Variants in WWOX observed in about 807,000 individuals in gnomAD.
WWOX encodes the protein WW domain containing oxidoreductase, also known as WW domain-containing oxidoreductase.
Under a neutral mutation model 46.2 loss-of-function variants are expected in WWOX, and 69 were observed. That is an observed-to-expected ratio of 1.49 (90% CI 1.23 to 1.82). WWOX has a LOEUF of 1.82. WWOX is among the 40% of genes most tolerant of loss of function. The pLI is 0.00. For missense variants in WWOX, 919 were observed against 542.6 expected (o/e 1.69, Z -6.89); for synonymous variants, 359 against 202.6 (o/e 1.77, Z -6.56).
chr16:78,312,340 ATATTG>A (rs1313936836), intron 5 of WWOX, among the ~76,000 whole-genome samples: 1 of 148,916 alleles, frequency 6.7e-6, no homozygotes, highest in African/African-American at 2.5e-5. Context: ...GGAAACACTT[ATATTG>A]CTAGTGAGTG....
At chr16:78,428,792 G>T (rs751282397) in intron 7 of WWOX, among the ~76,000 whole-genome samples, 1 of 152,188 alleles carries the variant, frequency 6.6e-6, no homozygotes, top group Non-Finnish European at 1.5e-5. Context: ...AGGATCCCTT[G>T]AGCTCAGGAG....
chr16:78,295,665 C>T (rs544536202), intron 5 of WWOX, among the ~76,000 whole-genome samples: 3 of 152,284 alleles, frequency 2.0e-5, no homozygotes, highest in African/African-American at 4.8e-5. Context: ...GAGCCAAGAT[C>T]GCACCACTGG....
chr16:78,825,602 C>A, intron 8 of WWOX: 1 of 528,900 alleles, frequency 1.9e-6, no homozygotes, highest in South Asian at 1.5e-5. Flanking sequence ...AGTACAAACT[C>A]CTAGGAGGGC....
intron 8 of WWOX, among the ~76,000 whole-genome samples, chr16:78,471,558 T>G (rs958363273): frequency 2.6e-5 from 4 of 152,220 alleles, no homozygotes; most frequent in Admixed American, 2.6e-4. Flanking sequence ...ACATCCTCCA[T>G]GAAATCTCTG....
intron 8 of WWOX, among the ~76,000 whole-genome samples, chr16:78,713,199 T>G (rs1272583745): frequency 7.3e-6 from 1 of 137,506 alleles, no homozygotes; most frequent in Non-Finnish European, 1.5e-5. Flanking sequence ...CTGAGCCTGG[T>G]AGAGGTGGAG....
At chr16:78,389,593 T>G (rs1405572413) in intron 6 of WWOX, among the ~76,000 whole-genome samples, 1 of 152,046 alleles carries the variant, frequency 6.6e-6, no homozygotes, top group East Asian at 1.9e-4. Flanking sequence ...TCCTTGGGAG[T>G]AGATGCTATT....
chr16:78,618,873 A>C (rs2046096938), intron 8 of WWOX, among the ~76,000 whole-genome samples: 1 of 151,534 alleles, frequency 6.6e-6, no homozygotes, highest in African/African-American at 2.4e-5. Context: ...GACACCTTGG[A>C]TGTGCCCAGC....
intron 8 of WWOX, among the ~76,000 whole-genome samples, chr16:79,209,357 G>A (rs961321457): frequency 6.6e-6 from 1 of 152,186 alleles, no homozygotes; most frequent in Non-Finnish European, 1.5e-5. Context: ...CATTACAGTA[G>A]GTCATAGTGG....
intron 8 of WWOX, chr16:79,016,342 T>A (rs1567487345): frequency 6.6e-6 from 1 of 152,282 alleles, no homozygotes; most frequent in Non-Finnish European, 1.5e-5. Context: ...TTGCTCCTCC[T>A]GCAGTCTTCT....
chr16:78,473,600 C>T (rs1047473612), intron 8 of WWOX, among the ~76,000 whole-genome samples: 7 of 148,596 alleles, frequency 4.7e-5, no homozygotes, highest in African/African-American at 1.8e-4. Context: ...AGATTGTTGT[C>T]CCTCCTTTCC....
chr16:78,213,042 CA>C (rs2036607568), intron 5 of WWOX, among the ~76,000 whole-genome samples: 1 of 151,906 alleles, frequency 6.6e-6, no homozygotes, highest in Non-Finnish European at 1.5e-5. Flanking sequence ...CACTTTAGGT[CA>C]GAAGTTCGAG....
intron 5 of WWOX, among the ~76,000 whole-genome samples, chr16:78,210,239 G>A (rs2036516417): frequency 6.6e-6 from 1 of 152,110 alleles, no homozygotes; most frequent in Non-Finnish European, 1.5e-5. Context: ...GGATCAAGAT[G>A]AAAGAAAAAT....
intron 8 of WWOX, among the ~76,000 whole-genome samples, chr16:78,812,719 C>T (rs1406471214): frequency 1.3e-5 from 2 of 150,480 alleles, no homozygotes; most frequent in East Asian, 1.9e-4. Flanking sequence ...GAATGAGACT[C>T]CATCCTCCCA....
intron 8 of WWOX, among the ~76,000 whole-genome samples, chr16:79,139,687 A>G (rs766818391): frequency 3.3e-5 from 5 of 152,126 alleles, no homozygotes; most frequent in Non-Finnish European, 5.9e-5. Flanking sequence ...AAATAATAAA[A>G]TAGGTTTAGG....
intron 8 of WWOX, among the ~76,000 whole-genome samples, chr16:78,511,899 G>A (rs1053660538): frequency 9.2e-5 from 14 of 152,126 alleles, no homozygotes; most frequent in African/African-American, 2.9e-4. Context: ...GACATTATCC[G>A]TTTACTGCTA....
chr16:79,079,134 A>G (rs545595435), intron 8 of WWOX, among the ~76,000 whole-genome samples: 7 of 152,320 alleles, frequency 4.6e-5, no homozygotes, highest in East Asian at 3.9e-4. Context: ...CCTAGTTGCA[A>G]TGCTCTCTTC....
intron 8 of WWOX, among the ~76,000 whole-genome samples, chr16:79,023,607 G>C (rs963800941): frequency 6.6e-6 from 1 of 152,120 alleles, no homozygotes; most frequent in Admixed American, 6.5e-5. Context: ...GTTTTGGTCT[G>C]TGCTACAACT....
At chr16:79,044,756 T>C (rs1355979059) in intron 8 of WWOX, among the ~76,000 whole-genome samples, 1 of 152,130 alleles carries the variant, frequency 6.6e-6, no homozygotes, top group East Asian at 1.9e-4. Flanking sequence ...TGTTGAAGAA[T>C]GGAAAAGAAG....
At chr16:79,058,540 G>T (rs1012609420) in intron 8 of WWOX, among the ~76,000 whole-genome samples, 3 of 152,130 alleles carry the variant, frequency 2.0e-5, no homozygotes, top group South Asian at 4.1e-4. Flanking sequence ...AAGTATATTA[G>T]TCATGATATA....
Sources: gnomAD v4.1 joint callset for allele counts (sites outside exome capture counted in the v4.1 genomes callset) on GRCh38, gnomAD v4.1.1 for gene constraint, MANE v1.5 for transcripts, NCBI Gene and HGNC (gene_info 2026-07-23, HGNC 2026-07-21) for gene names.